The following PVALB variants were observed in gnomAD, a reference collection of about 807,000 sequenced individuals.
PVALB encodes parvalbumin, also known as parvalbumin alpha.
PVALB carries 11 observed loss-of-function variants against 10.9 expected under a neutral mutation model. The ratio of observed to expected loss-of-function variants is 1.01; its 90% CI spans 0.63 to 1.67. The LOEUF is 1.67. Among genes scored for constraint, PVALB ranks in the 40% most tolerant of loss-of-function variants. The probability of loss-of-function intolerance (pLI) is 0.00; values close to 1 mark genes in which losing one functional copy is unlikely to be tolerated. For synonymous variants in PVALB, 57 were observed against 50.7 expected, an observed-to-expected ratio of 1.12 and a Z score of -0.53; for missense variants, 131 against 136.2, an observed-to-expected ratio of 0.96 and a Z score of 0.19.
chr22:36,803,047 A>G (rs1401363649), intron 3 of PVALB, among the ~76,000 whole-genome samples: 1 of 152,216 alleles, frequency 6.6e-6, no homozygotes, highest in East Asian at 1.9e-4. Context: ...GCTAGTAACT[A>G]ACATTTATCG....
intron 3 of PVALB, among the ~76,000 whole-genome samples, chr22:36,808,460 G>C (rs1392648957): frequency 6.6e-6 from 1 of 152,184 alleles, no homozygotes; most frequent in Non-Finnish European, 1.5e-5. Context: ...GCTACAGAGA[G>C]ACCCTGGGCA....
intron 3 of PVALB, among the ~76,000 whole-genome samples, chr22:36,809,861 T>TG (rs1569092157): frequency 6.6e-6 from 1 of 151,324 alleles, no homozygotes; most frequent in Non-Finnish European, 1.5e-5. Context: ...CCATGTTTTT[T>TG]TTTTTTTTTT....
Position 36,800,769 on chromosome 22 carries a change from G to A in PVALB, c.*121C>T. On this transcript the variant is annotated 3_prime_UTR_variant, in exon 4 of 4. Coordinates refer to ENST00000417718, the MANE Select transcript of PVALB (RefSeq NM_001315532.2). ...AGAATGGTGTCATTAGAGGGCCACA[G>A]GGGATGGGGGAGTAAAAAATAACAT... is the stretch of plus-strand genomic sequence containing the variant. The A allele has an allele frequency of 9.1e-7, 1 of 1,102,390 alleles. No individual in the cohort carries two copies. Among genetic ancestry groups the A allele is most frequent in the Non-Finnish European group, 1.4e-6 (1 of 717,094 alleles). The allele number at this position is 1,102,390 out of a possible 1,614,324, so 68.3% of individuals were successfully genotyped here. A position where few individuals can be genotyped will look rare whatever the true frequency, so the allele number is the denominator to read the frequency against.
At chr22:36,819,355 G>C (rs972265531), upstream of PVALB, 1 of 152,224 alleles carries the variant, frequency 6.6e-6, no homozygotes, top group Non-Finnish European at 1.5e-5. Flanking sequence ...ACGGACAGGG[G>C]AGATGTAGCT....
At chr22:36,814,446 C>A (rs985037358) in intron 2 of PVALB, among the ~76,000 whole-genome samples, 2 of 152,156 alleles carry the variant, frequency 1.3e-5, no homozygotes, top group Non-Finnish European at 2.9e-5. Flanking sequence ...ACACCCACCC[C>A]CCGCTTCTCT....
chr22:36,813,673 CT>C lies in PVALB; in HGVS notation c.276del (p.Asp93MetfsTer22). The C allele has an allele frequency of 6.2e-7, 1 of 1,614,128 alleles. No individual in the cohort carries two copies. Among genetic ancestry groups the C allele is most frequent in the Non-Finnish European group, 8.5e-7 (1 of 1,179,994 alleles). On this transcript the variant is annotated frameshift_variant, in exon 3 of 4. Transcript: ENST00000417718. LOFTEE classifies it high-confidence loss of function. ...TCAACCCCAATTTTGCCGTCCCCAT[CT>C]TTGTCTCCAGCAGCCATCAGCATCT... ...ETKMLMAAGDKDGDGKIGVDE... is the reference protein window; with the variant it reads ...ETKMLMAAGDXDGDGKIGVDE...
intron 2 of PVALB, among the ~76,000 whole-genome samples, chr22:36,814,495 C>T (rs1939103956): frequency 6.6e-6 from 1 of 152,092 alleles, no homozygotes; most frequent in Non-Finnish European, 1.5e-5. Flanking sequence ...CAGAAAGTGA[C>T]ATAAGGCAAC....
In PVALB at chr22:36,800,990, G is replaced by A. The variant is rs904147167; in HGVS notation, c.305-72C>T. On this transcript the variant is annotated intron_variant, in intron 3 of 3. Coordinates refer to ENST00000417718, the MANE Select transcript of PVALB (RefSeq NM_001315532.2). ...AGAGAGACTGTCCACACCTGACTGCGGGGCCCTGGGTGGTGCTCTCTCTGG... is the reference window on the plus strand; with the variant it reads ...AGAGAGACTGTCCACACCTGACTGCAGGGCCCTGGGTGGTGCTCTCTCTGG... The A allele has an allele frequency of 1.6e-5, 24 of 1,478,902 alleles. 1 individual carries two copies. Among genetic ancestry groups the A allele is most frequent in the Middle Eastern group, 3.5e-4 (2 of 5,752 alleles). 91.6% of individuals were successfully genotyped at this position (1,478,902 alleles called of 1,614,324 possible). A position where few individuals can be genotyped will look rare whatever the true frequency, so the allele number is the denominator to read the frequency against.
At chr22:36,814,535 A>C (rs1691764174) in intron 2 of PVALB, among the ~76,000 whole-genome samples, 1 of 151,870 alleles carries the variant, frequency 6.6e-6, no homozygotes. Flanking sequence ...CGGGTGGCTG[A>C]GGGAATTATG....
upstream of PVALB, chr22:36,818,456 G>A (rs1292091596): frequency 2.6e-5 from 4 of 152,856 alleles, no homozygotes; most frequent in African/African-American, 9.7e-5. Context: ...CTCCCTGTGA[G>A]TCAGCTCCTT....
At chr22:36,815,357 G>C (rs544523334) in intron 1 of PVALB, 122 bp from the exon 2 acceptor site, 1 of 1,345,808 alleles carries the variant, frequency 7.4e-7, no homozygotes, top group East Asian at 2.3e-5. Flanking sequence ...GGAATGAGAG[G>C]TACCCACCTC....
At chr22:36,810,168 C>T (rs1206340981) in intron 3 of PVALB, among the ~76,000 whole-genome samples, 1 of 152,228 alleles carries the variant, frequency 6.6e-6, no homozygotes, top group East Asian at 1.9e-4. Flanking sequence ...CAGGCATGAG[C>T]CACTGCGCCC....
chr22:36,813,797 G>A lies in PVALB; in HGVS notation c.195-42C>T, dbSNP rs557573899. On this transcript the variant is annotated intron_variant, in intron 2 of 3. Coordinates refer to ENST00000417718, the MANE Select transcript of PVALB (RefSeq NM_001315532.2). ...AGAAAGCCGGTGAGGGAGTCAGGCC[G>A]AGGTCGCCTTGCAGGACGCTGGATG... The A allele has an allele frequency of 2.0e-4, 299 of 1,501,680 alleles. 5 individuals carry two copies. The South Asian group carries it at 3.1e-3, about 15-fold the overall frequency. The allele number at this position is 1,501,680 out of a possible 1,614,324, so 93.0% of individuals were successfully genotyped here. A position where few individuals can be genotyped will look rare whatever the true frequency, so the allele number is the denominator to read the frequency against.
intron 3 of PVALB, among the ~76,000 whole-genome samples, chr22:36,812,388 T>C (rs1377430429): frequency 6.6e-6 from 1 of 152,160 alleles, no homozygotes; most frequent in African/African-American, 2.4e-5. Flanking sequence ...CACTTATATG[T>C]TGGATGTAAG....
intron 3 of PVALB, 158 bp downstream of exon 3, chr22:36,813,488 G>A: frequency 1.6e-6 from 1 of 607,532 alleles, no homozygotes; most frequent in Non-Finnish European, 3.0e-6. Flanking sequence ...GTATGTGGCA[G>A]AGCTCTCAGA....
At chr22:36,807,245 C>G (rs551467781) in intron 3 of PVALB, among the ~76,000 whole-genome samples, 1 of 152,194 alleles carries the variant, frequency 6.6e-6, no homozygotes. Flanking sequence ...TTGGCACTTA[C>G]TGTCTACGGG....
chr22:36,817,812 G>A (rs1327511475), upstream of PVALB, among the ~76,000 whole-genome samples: 1 of 152,090 alleles, frequency 6.6e-6, no homozygotes, highest in Non-Finnish European at 1.5e-5. Flanking sequence ...CTGGCATCAT[G>A]GGTCCAGACT....
intron 3 of PVALB, among the ~76,000 whole-genome samples, chr22:36,804,290 C>T (rs1390119422): frequency 2.0e-5 from 3 of 152,160 alleles, no homozygotes; most frequent in East Asian, 1.9e-4. Flanking sequence ...AGGGACTCTC[C>T]GGTGACGGAA....
intron 1 of PVALB, 88 bp from the exon 2 acceptor site, chr22:36,815,323 T>C (rs534325707): frequency 1.3e-6 from 2 of 1,540,446 alleles, no homozygotes; most frequent in East Asian, 2.3e-5. Context: ...CATTTGTTGA[T>C]GGATTCCCAC....
Sources: gnomAD v4.1 joint callset for allele counts (sites outside exome capture counted in the v4.1 genomes callset) on GRCh38, gnomAD v4.1.1 for gene constraint, MANE v1.5 for transcripts, NCBI Gene and HGNC (gene_info 2026-07-23, HGNC 2026-07-21) for gene names.